NBEA: variants seen among roughly 807,000 people sequenced by gnomAD.
The protein encoded by NBEA is neurobeachin, also known as lysosomal-trafficking regulator 2.
NBEA carries 44 observed loss-of-function variants against 343.4 expected under a neutral mutation model. The observed-to-expected ratio is 0.13, with a 90% CI of 0.10 to 0.16. The LOEUF (loss-of-function observed/expected upper bound fraction) is 0.16. NBEA is among the 10% of genes least tolerant of loss of function. The probability of loss-of-function intolerance (pLI) is 1.00; values close to 1 mark genes in which losing one functional copy is unlikely to be tolerated. For synonymous variants in NBEA, 1,175 were observed against 1,238.7 expected, an observed-to-expected ratio of 0.95 and a Z score of 1.08; for missense variants, 2,555 against 3,631.3, an observed-to-expected ratio of 0.70 and a Z score of 7.62.
At chr13:35,582,400 A>G (rs1001909973) in intron 45 of NBEA, among the ~76,000 whole-genome samples, 8 of 152,340 alleles carry the variant, frequency 5.3e-5, no homozygotes, top group African/African-American at 1.9e-4. Context: ...TAATGTAATT[A>G]TGTTGTTTTA....
In NBEA at chr13:35,502,026, G is replaced by A. The variant is rs538470302; in HGVS notation, c.6585+29490G>A. 4.5e-4 allele frequency among the ~76,000 whole-genome samples: 69 copies of A among 152,226 alleles called. No individual in the cohort carries two copies. In the South Asian group the frequency reaches 9.8e-3, roughly 22 times the overall value. On this transcript the variant is annotated intron_variant, in intron 41 of 58. Coordinates refer to ENST00000379939, the MANE Select transcript of NBEA (RefSeq NM_001385012.1). The stretch of plus-strand genomic sequence containing the variant: ...AGCACCTGCTAGTGCTAGGGACTGA[G>A]CCAGTGAAACAGCAGAGAGAGCTCA...
intron 1 of NBEA, among the ~76,000 whole-genome samples, chr13:34,984,004 C>A (rs891894036): frequency 6.6e-6 from 1 of 152,098 alleles, no homozygotes; most frequent in Admixed American, 6.5e-5. Context: ...TTTTGCTGTG[C>A]AGAAGCTCTT....
chr13:35,570,334 C>A (rs1333720001), intron 45 of NBEA, among the ~76,000 whole-genome samples: 2 of 152,154 alleles, frequency 1.3e-5, no homozygotes, highest in African/African-American at 4.8e-5. Flanking sequence ...ACGCCCAGCC[C>A]ATTTCAGGGT....
chr13:35,023,730 G>A (rs908957423), intron 1 of NBEA, among the ~76,000 whole-genome samples: 6 of 152,198 alleles, frequency 3.9e-5, no homozygotes, highest in African/African-American at 1.4e-4. Flanking sequence ...CATGGCAGAA[G>A]TGAGCTTAGG....
intron 38 of NBEA, among the ~76,000 whole-genome samples, chr13:35,426,920 C>T (rs1325739416): frequency 4.6e-5 from 7 of 152,154 alleles, no homozygotes; most frequent in East Asian, 1.9e-4. Context: ...TCCAGTTGAT[C>T]GCATCGGCTA....
intron 1 of NBEA, among the ~76,000 whole-genome samples, chr13:35,020,835 A>G (rs1566173058): frequency 6.6e-6 from 1 of 151,946 alleles, no homozygotes; most frequent in Non-Finnish European, 1.5e-5. Flanking sequence ...CTATATTCTT[A>G]TTGGTGGATT....
At chr13:35,511,777 A>G (rs760228640) in intron 41 of NBEA, among the ~76,000 whole-genome samples, 7 of 152,194 alleles carry the variant, frequency 4.6e-5, no homozygotes, top group Non-Finnish European at 7.4e-5. Flanking sequence ...TTTTTAAATT[A>G]TCCCATATCT....
intron 11 of NBEA, among the ~76,000 whole-genome samples, chr13:35,102,615 T>G (rs184361859): frequency 1.3e-4 from 19 of 151,938 alleles, no homozygotes; most frequent in African/African-American, 4.3e-4. Flanking sequence ...TTGATATTAT[T>G]TGATGCCCTT....
chr13:35,632,391 A>G (rs192469781), intron 49 of NBEA, among the ~76,000 whole-genome samples: 8 of 152,230 alleles, frequency 5.3e-5, no homozygotes, highest in Middle Eastern at 3.4e-3. Context: ...GCCTTCCCCA[A>G]CCTACTAAAT....
At position 35,290,459 on chromosome 13, in the gene NBEA, T is replaced by C. The variant is rs1487870249; in HGVS notation, c.5838+9T>C. The C allele has an allele frequency of 6.3e-7, 1 of 1,596,266 alleles. No individual in the cohort carries two copies. Among genetic ancestry groups the C allele is most frequent in the Non-Finnish European group, 8.6e-7 (1 of 1,166,308 alleles). ...TGCTGCTTTGTTCTCAGGTACAAAA[T>C]CCCATTCACTCAGTTACATTAATAT... On this transcript the variant is annotated intron_variant, in intron 35 of 58. Transcript: ENST00000379939.
At position 35,291,432 on chromosome 13, in the gene NBEA, T is replaced by C. The variant is rs548358709; in HGVS notation, c.5838+982T>C. Among the ~76,000 whole-genome samples the C allele has an allele frequency of 5.3e-5, 8 of 152,000 alleles. No individual in the cohort carries two copies. In the South Asian group the frequency reaches 1.7e-3, roughly 31 times the overall value. On this transcript the variant is annotated intron_variant, in intron 35 of 58. Coordinates refer to ENST00000379939, the MANE Select transcript of NBEA (RefSeq NM_001385012.1). ...TTCAGGTTTATTTTCTTCAAGAATA[T>C]ATTCCTAGGAAAATCATTAGGCCCA...
chr13:35,145,776 A>G (rs2068379556), intron 18 of NBEA, among the ~76,000 whole-genome samples: 3 of 152,184 alleles, frequency 2.0e-5, no homozygotes, highest in Admixed American at 6.5e-5. Flanking sequence ...TGGTAGAAGG[A>G]TTTGGCACTT....
intron 13 of NBEA, among the ~76,000 whole-genome samples, chr13:35,114,510 A>G (rs551583261): frequency 6.6e-6 from 1 of 152,076 alleles, no homozygotes; most frequent in Admixed American, 6.5e-5. Context: ...CCTCAGCCCC[A>G]GTTGTTTCTT....
chr13:35,664,268 G>A (rs2085243962), intron 55 of NBEA, among the ~76,000 whole-genome samples: 1 of 152,148 alleles, frequency 6.6e-6, no homozygotes, highest in Admixed American at 6.5e-5. Flanking sequence ...AACCTAGGAG[G>A]CAGCTCTAGG....
At chr13:35,038,379 C>T (rs1169429031) in intron 1 of NBEA, among the ~76,000 whole-genome samples, 6 of 152,060 alleles carry the variant, frequency 3.9e-5, no homozygotes, top group Admixed American at 1.3e-4. Context: ...GTTGTTGGTA[C>T]CTAAGATACA....
intron 41 of NBEA, among the ~76,000 whole-genome samples, chr13:35,548,426 A>G (rs922689672): frequency 2.6e-5 from 4 of 152,148 alleles, no homozygotes; most frequent in Non-Finnish European, 5.9e-5. Context: ...AAGTCAAAAT[A>G]TGACTCTGTG....
chr13:35,091,926 G>A (rs1172292372), intron 10 of NBEA, among the ~76,000 whole-genome samples: 1 of 151,940 alleles, frequency 6.6e-6, no homozygotes, highest in Non-Finnish European at 1.5e-5. Flanking sequence ...GACAAGATGA[G>A]TCTAAAATTT....
intron 1 of NBEA, among the ~76,000 whole-genome samples, chr13:35,020,836 T>C (rs1012593314): frequency 1.3e-5 from 2 of 152,114 alleles, no homozygotes; most frequent in African/African-American, 2.4e-5. Flanking sequence ...TATATTCTTA[T>C]TGGTGGATTT....
intron 7 of NBEA, 51 bp from the exon 8 acceptor site, chr13:35,058,666 C>CATTTTTATGAAAAAATTTTAATGA: frequency 6.9e-7 from 1 of 1,445,602 alleles, no homozygotes. Context: ...AGGATTTAAA[C>CATTTTTATGAAAAAATTTTAATGA]CTTTTTGTCA....
Sources: allele counts gnomAD v4.1 joint callset (sites outside exome capture counted in the v4.1 genomes callset), GRCh38; gene constraint gnomAD v4.1.1; transcripts MANE v1.5; gene names NCBI Gene and HGNC (gene_info 2026-07-23, HGNC 2026-07-21).